CPE: variants seen among roughly 807,000 people sequenced by gnomAD.
CPE encodes carbocypeptidase E.
Under a neutral mutation model 53.5 loss-of-function variants are expected in CPE, and 17 were observed. That is an observed-to-expected ratio of 0.32 (90% CI 0.22 to 0.48). The LOEUF is 0.48. Ranked by LOEUF, CPE falls within the 20% of genes least tolerant of loss-of-function variation. The pLI is 0.99. For missense variants in CPE, 524 were observed against 614.7 expected (o/e 0.85, Z 1.56); for synonymous variants, 226 against 228.8 (o/e 0.99, Z 0.11).
intron 1 of CPE, among the ~76,000 whole-genome samples, chr4:165,430,420 G>A (rs552670169): frequency 7.2e-5 from 11 of 152,210 alleles, no homozygotes; most frequent in African/African-American, 2.4e-4. Context: ...TCAGAATGAT[G>A]TTTATACATA....
chr4:165,492,734 C>T (rs1732629541), intron 6 of CPE, among the ~76,000 whole-genome samples: 1 of 152,172 alleles, frequency 6.6e-6, no homozygotes, highest in African/African-American at 2.4e-5. Flanking sequence ...TGTCTGTAAT[C>T]TATAGATAAC....
chr4:165,424,959 A>G (rs74553330), intron 1 of CPE, among the ~76,000 whole-genome samples: 33 of 150,414 alleles, frequency 2.2e-4, no homozygotes, highest in African/African-American at 8.1e-4. Context: ...ACTGCAACCT[A>G]CACCTCCCTG....
At chr4:165,398,051 T>TAAAA (rs397955897) in intron 1 of CPE, among the ~76,000 whole-genome samples, 4 of 92,226 alleles carry the variant, frequency 4.3e-5, no homozygotes, top group Non-Finnish European at 4.4e-5. Context: ...TCCTCATTTC[T>TAAAA]AAAAAAAAAA....
chr4:165,497,037 C>T (rs1202723709), intron 8 of CPE, among the ~76,000 whole-genome samples: 2 of 152,186 alleles, frequency 1.3e-5, no homozygotes, highest in African/African-American at 2.4e-5. Flanking sequence ...ATTCTCCTGC[C>T]TCAGCCTCCT....
intron 3 of CPE, among the ~76,000 whole-genome samples, chr4:165,474,799 T>C (rs941213704): frequency 6.6e-6 from 1 of 152,258 alleles, no homozygotes; most frequent in Non-Finnish European, 1.5e-5. Flanking sequence ...CCTATGTCCT[T>C]GTCTCCATGA....
At chr4:165,480,548 C>A (rs1328712679) in intron 3 of CPE, among the ~76,000 whole-genome samples, 2 of 152,212 alleles carry the variant, frequency 1.3e-5, no homozygotes, top group Non-Finnish European at 2.9e-5. Flanking sequence ...CTGCCAGTAC[C>A]AGCTGAGTGG....
intron 1 of CPE, among the ~76,000 whole-genome samples, chr4:165,380,950 A>C (rs541618511): frequency 2.6e-5 from 4 of 152,324 alleles, no homozygotes; most frequent in African/African-American, 7.2e-5. Flanking sequence ...AAATGTGATA[A>C]CTGATTTTCA....
chr4:165,484,885 C>A (rs1384130244), intron 5 of CPE, among the ~76,000 whole-genome samples: 1 of 152,138 alleles, frequency 6.6e-6, no homozygotes, highest in East Asian at 1.9e-4. Context: ...ATATTGTTAA[C>A]TACCCTACTT....
chr4:165,418,071 AC>A (rs1731154655), intron 1 of CPE, among the ~76,000 whole-genome samples: 1 of 152,222 alleles, frequency 6.6e-6, no homozygotes, highest in African/African-American at 2.4e-5. Flanking sequence ...GACAGATGAC[AC>A]CAATGTAGGT....
intron 1 of CPE, among the ~76,000 whole-genome samples, chr4:165,396,447 C>G (rs1156300142): frequency 6.6e-6 from 1 of 151,780 alleles, no homozygotes; most frequent in Non-Finnish European, 1.5e-5. Context: ...CACTTGAGAC[C>G]AGGAGTTCAA....
chr4:165,430,764 TAC>T (rs1731396621), intron 1 of CPE, among the ~76,000 whole-genome samples: 1 of 152,174 alleles, frequency 6.6e-6, no homozygotes, highest in Admixed American at 6.5e-5. Flanking sequence ...GACAAAGCTG[TAC>T]TTCAGGAAAA....
At chr4:165,495,419 C>T in intron 7 of CPE, 140 bp from the exon 8 acceptor site, 2 of 592,418 alleles carry the variant, frequency 3.4e-6, no homozygotes, top group African/African-American at 1.9e-5. Flanking sequence ...CATTAAATTC[C>T]CTATATATTT....
intron 7 of CPE, among the ~76,000 whole-genome samples, chr4:165,493,779 A>G (rs1489765359): frequency 6.6e-6 from 1 of 152,156 alleles, no homozygotes; most frequent in Non-Finnish European, 1.5e-5. Context: ...GTTAAACAAG[A>G]GTTTATAGGA....
chr4:165,386,309 T>C, intron 1 of CPE: 1 of 497,322 alleles, frequency 2.0e-6, no homozygotes, highest in Non-Finnish European at 4.0e-6. Flanking sequence ...TAGCTTCTTG[T>C]GCTCTAGGAT....
intron 1 of CPE, among the ~76,000 whole-genome samples, chr4:165,395,327 A>G (rs562587660): frequency 6.6e-6 from 1 of 152,308 alleles, no homozygotes. Context: ...TTAATTCTCC[A>G]TTTGACATTT....
Position 165,482,303 on chromosome 4 carries a change from C to T in CPE, c.734C>T (p.Ala245Val), listed in dbSNP as rs764611490. 6.2e-7 allele frequency: 1 copy of T among 1,613,948 alleles called. No homozygotes were observed. Among genetic ancestry groups the T allele is most frequent in the East Asian group, 2.2e-5 (1 of 44,858 alleles). The change falls in exon 4 of 9, where the codon GCC becomes GTC. Residue 245 changes from alanine (A) to valine (V), a missense_variant. By Grantham distance (64) the Ala-to-Val change is moderately conservative (BLOSUM62 0). Coordinates refer to ENST00000402744, the MANE Select transcript of CPE (RefSeq NM_001873.4). ...ATGGATATTCCTTTTGTGCTTTCTGCCAATCTCCATGGAGGAGACCTTGTG... is the reference window on the plus strand; with the variant it reads ...ATGGATATTCCTTTTGTGCTTTCTGTCAATCTCCATGGAGGAGACCTTGTG... ...WIMDIPFVLS[A>V]NLHGGDLVAN...
intron 1 of CPE, among the ~76,000 whole-genome samples, chr4:165,387,057 T>C (rs1436269145): frequency 6.6e-6 from 1 of 152,218 alleles, no homozygotes; most frequent in Non-Finnish European, 1.5e-5. Context: ...CGTTGCTCTG[T>C]GAACGTTTCT....
chr4:165,431,661 A>G (rs1367120914), intron 1 of CPE, among the ~76,000 whole-genome samples: 2 of 152,142 alleles, frequency 1.3e-5, no homozygotes, highest in Non-Finnish European at 2.9e-5. Flanking sequence ...TTTTCTGTAT[A>G]TATTATATAA....
chr4:165,439,864 C>T lies in CPE; in HGVS notation c.308-24526C>T, dbSNP rs144926246. On this transcript the variant is annotated intron_variant, in intron 1 of 8. Transcript: ENST00000402744. ...AATCATGTTGAGGCAATCAAGGAAC[C>T]GATAGCATGATGAGAGGGCTAAAGC... Among the ~76,000 whole-genome samples the T allele has an allele frequency of 6.1e-3, 922 of 152,134 alleles. 10 individuals carry two copies. Among genetic ancestry groups the T allele is most frequent in the African/African-American group, 0.021 (873 of 41,482 alleles).
Sources: allele counts gnomAD v4.1 joint callset (sites outside exome capture counted in the v4.1 genomes callset), GRCh38; gene constraint gnomAD v4.1.1; transcripts MANE v1.5; gene names NCBI Gene and HGNC (gene_info 2026-07-23, HGNC 2026-07-21).